Variants in COL6A6 observed in about 807,000 individuals in gnomAD.
The protein encoded by COL6A6 is collagen alpha-6(VI) chain.
Under a neutral mutation model 208.6 loss-of-function variants are expected in COL6A6, and 183 were observed. That is an observed-to-expected ratio of 0.88 (90% CI 0.78 to 0.99). COL6A6 has a LOEUF of 0.99. Ranked by LOEUF, COL6A6 falls within the 50% of genes least tolerant of loss-of-function variation. The pLI is 0.00. For missense variants in COL6A6, 2,816 were observed against 2,815.2 expected (o/e 1.00, Z -0.01); for synonymous variants, 973 against 1,011.8 (o/e 0.96, Z 0.73).
Position 130,586,564 on chromosome 3 carries a change from TG to T in COL6A6, c.4030del (p.Asp1344IlefsTer21). 6.2e-7 allele frequency: 1 copy of T among 1,613,966 alleles called. No individual in the cohort carries two copies. The highest frequency in any genetic ancestry group is 8.5e-7 in the Non-Finnish European group (1 of 1,179,840). On this transcript the variant is annotated frameshift_variant, in exon 11 of 37. Coordinates refer to ENST00000358511, the MANE Select transcript of COL6A6 (RefSeq NM_001102608.3). LOFTEE classifies it high-confidence loss of function. Reference sequence around the variant, plus strand: ...GACCTGCTGATTCAAGTGACTTGGCTGATCTTCCCTATATTGAATTTGGGAA... The same window carrying T: ...GACCTGCTGATTCAAGTGACTTGGCTATCTTCCCTATATTGAATTTGGGAA... ...DGPADSSDLA[D>X]LPYIEFGKGF...
intron 8 of COL6A6, among the ~76,000 whole-genome samples, chr3:130,580,848 C>A (rs1189534473): frequency 2.0e-5 from 3 of 152,192 alleles, no homozygotes; most frequent in African/African-American, 7.2e-5. Context: ...AAGTATTTAA[C>A]CTCAAAATGG....
chr3:130,593,459 G>A (rs1056470092), intron 17 of COL6A6, among the ~76,000 whole-genome samples: 14 of 152,116 alleles, frequency 9.2e-5, no homozygotes, highest in Admixed American at 8.5e-4. Flanking sequence ...CTGTAAGGTG[G>A]CCGGGGGCTT....
chr3:130,661,934 T>G lies in COL6A6; in HGVS notation c.6128T>G (p.Leu2043Arg). The G allele has an allele frequency of 6.2e-7, 1 of 1,613,978 alleles. No homozygotes were observed. Among genetic ancestry groups the G allele is most frequent in the Non-Finnish European group, 8.5e-7 (1 of 1,179,880 alleles). The change falls in exon 35 of 37, where the codon CTC becomes CGC. Residue 2043 changes from leucine (L) to arginine (R), a missense_variant. By Grantham distance (102) the Leu-to-Arg change is moderately radical. Transcript: ENST00000358511. ...CTTACCACCTACAGAAGTAAGCGCC[T>G]CATGAAGAGGCATGTGCACGAGTCA... ...FNLTTYRSKR[L>R]MKRHVHESVK... is the part of the protein sequence containing the mutation.
Position 130,565,041 on chromosome 3 carries a change from T to C in COL6A6, c.709T>C (p.Ser237Pro). 1 of 1,613,952 alleles carries C rather than the reference T, an allele frequency of 6.2e-7. No individual in the cohort carries two copies. The highest frequency in any genetic ancestry group is 8.5e-7 in the Non-Finnish European group (1 of 1,179,850). ...MADVVFLLDM[S>P]INGSEENFDY... Reference sequence around the variant, plus strand: ...CGATGTTGTGTTCCTATTGGATATGTCAATCAATGGAAGTGAGGAGAACTT... The same window carrying C: ...CGATGTTGTGTTCCTATTGGATATGCCAATCAATGGAAGTGAGGAGAACTT... The change falls in exon 4 of 37, where the codon TCA becomes CCA. Residue 237 changes from serine to proline, a missense_variant. Physicochemically the swap from Ser to Pro is moderately conservative, Grantham distance 74. Transcript: ENST00000358511.
chr3:130,533,460 TTTC>T (rs1342717263), intron 1 of COL6A6, among the ~76,000 whole-genome samples: 1 of 152,200 alleles, frequency 6.6e-6, no homozygotes, highest in Non-Finnish European at 1.5e-5. Flanking sequence ...GCATTCCTTT[TTTC>T]TTATGACTTT....
At chr3:130,554,598 C>T (rs1200026538) in intron 1 of COL6A6, among the ~76,000 whole-genome samples, 1 of 152,120 alleles carries the variant, frequency 6.6e-6, no homozygotes, top group African/African-American at 2.4e-5. Flanking sequence ...AGCCACTGGT[C>T]TCCATGCACT....
intron 6 of COL6A6, 103 bp downstream of exon 6, chr3:130,568,707 G>A: frequency 8.8e-7 from 1 of 1,136,842 alleles, no homozygotes; most frequent in Admixed American, 2.7e-5. Flanking sequence ...TAAACTTTTG[G>A]TTTAATTGAA....
chr3:130,571,092 G>A lies in COL6A6; in HGVS notation c.2676G>A (p.Leu892=). 6.2e-7 allele frequency: 1 copy of A among 1,613,796 alleles called. No homozygotes were observed. Among genetic ancestry groups the A allele is most frequent in the Non-Finnish European group, 8.5e-7 (1 of 1,179,774 alleles). ...GCAGTACTTATACTGCTGAGGCACTGGGCTTCTCAGACCACATGTTCACTG... is the reference window on the plus strand; with the variant it reads ...GCAGTACTTATACTGCTGAGGCACTAGGCTTCTCAGACCACATGTTCACTG... ...MGGSTYTAEA[L]GFSDHMFTEA... The change falls in exon 7 of 37, where the codon CTG becomes CTA. Residue 892 remains leucine, a synonymous_variant. Coordinates refer to ENST00000358511, the MANE Select transcript of COL6A6 (RefSeq NM_001102608.3).
chr3:130,563,259 G>A lies in COL6A6; in HGVS notation c.256G>A (p.Gly86Ser), dbSNP rs567761482. Residue 86 changes from glycine (G) to serine (S), a missense_variant, in exon 3 of 37, where the codon GGC becomes AGC. Coordinates refer to ENST00000358511, the MANE Select transcript of COL6A6 (RefSeq NM_001102608.3). ...HSEFHLSTFK[G>S]RSPMLNHLRK... ...TGAATTCCACCTGAGCACCTTCAAA[G>A]GCAGGAGCCCCATGCTGAACCACCT... 14 of 1,614,002 alleles carry A rather than the reference G, an allele frequency of 8.7e-6. No homozygotes were observed. The South Asian group carries it at 1.5e-4, about 18-fold the overall frequency.
At chr3:130,614,231 T>C (rs2064443266) in intron 23 of COL6A6, among the ~76,000 whole-genome samples, 1 of 152,200 alleles carries the variant, frequency 6.6e-6, no homozygotes, top group Non-Finnish European at 1.5e-5. Context: ...TATATTGAAT[T>C]GTATCAAAAG....
intron 8 of COL6A6, among the ~76,000 whole-genome samples, chr3:130,580,621 T>C (rs2063396439): frequency 6.6e-6 from 1 of 152,236 alleles, no homozygotes. Context: ...TCAAGCAAGC[T>C]GTATGTGTTC....
chr3:130,554,582 C>T (rs1002275587), intron 1 of COL6A6, among the ~76,000 whole-genome samples: 6 of 151,950 alleles, frequency 3.9e-5, no homozygotes, highest in Non-Finnish European at 8.8e-5. Context: ...AACGGTGGGG[C>T]AGGGGAGCCA....
chr3:130,587,479 C>T (rs1489517735), intron 11 of COL6A6, among the ~76,000 whole-genome samples: 1 of 152,212 alleles, frequency 6.6e-6, no homozygotes, highest in African/African-American at 2.4e-5. Flanking sequence ...CCAGGCTGGT[C>T]TTGAACTCCT....
rs114748519 is a variant in COL6A6, at chr3:130,595,825, T to C, written c.4533+1482T>C. Among the ~76,000 whole-genome samples, 605 of 152,280 alleles carry C rather than the reference T, an allele frequency of 4.0e-3. 5 individuals are homozygous for C. The highest frequency in any genetic ancestry group is 0.014 in the African/African-American group (569 of 41,562). On this transcript the variant is annotated intron_variant, in intron 18 of 36. Transcript: ENST00000358511. ...TTATATTGGGTCTATATTTTAAGAG[T>C]AGAATTTCTGGATTATAATGTGTAT...
At chr3:130,656,934 G>A (rs1310600701) in intron 33 of COL6A6, among the ~76,000 whole-genome samples, 2 of 152,258 alleles carry the variant, frequency 1.3e-5, no homozygotes, top group Admixed American at 1.3e-4. Context: ...AGCAGAGAGA[G>A]GCTAGGTAGC....
intron 1 of COL6A6, among the ~76,000 whole-genome samples, chr3:130,524,188 C>G (rs2061907348): frequency 6.6e-6 from 1 of 152,160 alleles, no homozygotes. Context: ...ATGATGAAGG[C>G]AGAGAATTTC....
intron 1 of COL6A6, among the ~76,000 whole-genome samples, chr3:130,518,653 T>C (rs961565057): frequency 2.0e-5 from 3 of 152,184 alleles, no homozygotes; most frequent in African/African-American, 7.2e-5. Flanking sequence ...ATTACAGGCA[T>C]GAGCCACCAT....
Position 130,656,800 on chromosome 3 carries a change from G to A in COL6A6, c.5734-1876G>A, listed in dbSNP as rs72996277. On this transcript the variant is annotated intron_variant, in intron 33 of 36. Coordinates refer to ENST00000358511, the MANE Select transcript of COL6A6 (RefSeq NM_001102608.3). ...CTCGTGCTTGTTAGCACCCAAACTC[G>A]GGAGGGGGCTGAGGCAGTGAGGCTG... Among the ~76,000 whole-genome samples the A allele has an allele frequency of 1.9e-3, 295 of 152,348 alleles. 2 individuals carry two copies. The highest frequency in any genetic ancestry group is 6.8e-3 in the African/African-American group (282 of 41,576).
chr3:130,598,298 C>A, intron 18 of COL6A6, 67 bp from the exon 19 acceptor site: 2 of 1,088,130 alleles, frequency 1.8e-6, no homozygotes, highest in Non-Finnish European at 2.7e-6. Context: ...AAGTGTTATA[C>A]ATAAGTTATA....
Sources: allele counts gnomAD v4.1 joint callset (sites outside exome capture counted in the v4.1 genomes callset), GRCh38; gene constraint gnomAD v4.1.1; transcripts MANE v1.5; gene names NCBI Gene and HGNC (gene_info 2026-07-23, HGNC 2026-07-21).